Variants in CASP8 observed in about 807,000 individuals in gnomAD.
CASP8 encodes the protein caspase 8.
A neutral mutation model predicts 46.3 loss-of-function variants in CASP8; 24 were observed. The ratio of observed to expected loss-of-function variants is 0.52; its 90% CI spans 0.38 to 0.73. The LOEUF is 0.73. Among genes scored for constraint, CASP8 ranks in the 30% least tolerant of loss-of-function variants. The pLI is 0.00. For missense variants in CASP8, 460 were observed against 559.0 expected (o/e 0.82, Z 1.79); for synonymous variants, 188 against 200.4 (o/e 0.94, Z 0.52).
upstream of CASP8, chr2:201,258,171 C>G (rs1241459048): frequency 2.2e-5 from 35 of 1,581,772 alleles, no homozygotes; most frequent in Non-Finnish European, 3.0e-5. Flanking sequence ...CTCCTTTTAT[C>G]TTTTGTGTTT....
chr2:201,246,204 TG>T (rs1390552675), intron 2 of CASP8, among the ~76,000 whole-genome samples: 3 of 152,220 alleles, frequency 2.0e-5, no homozygotes, highest in Non-Finnish European at 4.4e-5. Flanking sequence ...GGTTCTGGAT[TG>T]CAGGCCTCTT....
upstream of CASP8, chr2:201,258,152 C>T: frequency 6.6e-7 from 1 of 1,513,832 alleles, no homozygotes; most frequent in Non-Finnish European, 9.2e-7. Flanking sequence ...AGTGTTTTCA[C>T]AGGTTCTCCT....
At chr2:201,279,790 T>C (rs917993013) in intron 7 of CASP8, among the ~76,000 whole-genome samples, 2 of 152,028 alleles carry the variant, frequency 1.3e-5, no homozygotes, top group Admixed American at 6.6e-5. Context: ...CCATCTCTAC[T>C]AAAAATACAA....
At chr2:201,258,762 GTCATTC>G, upstream of CASP8, among the ~76,000 whole-genome samples, 1 of 12,754 alleles carries the variant, frequency 7.8e-5, no homozygotes, top group African/African-American at 4.2e-4. Flanking sequence ...ACTTTATTCT[GTCATTC>G]TGTCGAATCA....
rs1251766981 is a variant in CASP8 at position 201,245,251 on chromosome 2, TG to T, written c.-27+11140del. On this transcript the variant is annotated intron_variant, in intron 2 of 6. Coordinates refer to the CASP8 transcript ENST00000264274. ...CACAAGGAGGTTTTTTATTTGTTTTTGTTTTTTTTTTTGAGACAGAGTCTCA... is the reference window on the plus strand; with the variant it reads ...CACAAGGAGGTTTTTTATTTGTTTTTTTTTTTTTTTTGAGACAGAGTCTCA... Among the ~76,000 whole-genome samples the T allele has an allele frequency of 4.6e-3, 692 of 151,956 alleles. 7 individuals are homozygous for T. Among genetic ancestry groups the T allele is most frequent in the African/African-American group, 0.016 (672 of 41,422 alleles).
At chr2:201,258,543 T>G (rs1947152760), upstream of CASP8, among the ~76,000 whole-genome samples, 1 of 152,130 alleles carries the variant, frequency 6.6e-6, no homozygotes, top group South Asian at 2.1e-4. Flanking sequence ...CCTGTGTGGT[T>G]TCTCTCTGAG....
chr2:201,284,715 G>GGGAGA, intron 7 of CASP8, 101 bp from the exon 8 acceptor site: 1 of 1,339,972 alleles, frequency 7.5e-7, no homozygotes, highest in Non-Finnish European at 1.0e-6. Flanking sequence ...AGAGGGAGAG[G>GGGAGA]GGTCAAATTC....
intron 8 of CASP8, 48 bp downstream of exon 8, chr2:201,285,365 C>G (rs769700812): frequency 8.7e-6 from 14 of 1,601,622 alleles, no homozygotes; most frequent in East Asian, 6.7e-5. Context: ...TACCTTCCCC[C>G]CCTACTCCAT....
At chr2:201,269,273 A>G (rs1258018214) in intron 2 of CASP8, among the ~76,000 whole-genome samples, 2 of 152,078 alleles carry the variant, frequency 1.3e-5, no homozygotes, top group Non-Finnish European at 2.9e-5. Flanking sequence ...TTTATCTGCA[A>G]ACGTCCTGGG....
At chr2:201,261,184 G>C (rs112369125) in intron 1 of CASP8, among the ~76,000 whole-genome samples, 1,526 of 152,252 alleles carry the variant, frequency 0.01, 25 homozygotes, top group African/African-American at 0.034. Context: ...CTGAGGTCGG[G>C]AGTTTGAGAC....
intron 2 of CASP8, among the ~76,000 whole-genome samples, chr2:201,240,084 G>C (rs551986565): frequency 6.6e-6 from 1 of 152,236 alleles, no homozygotes; most frequent in South Asian, 2.1e-4. Context: ...TGGGAGGTAA[G>C]GCCTAGATGT....
intron 1 of CASP8, among the ~76,000 whole-genome samples, chr2:201,264,807 G>A (rs1309002208): frequency 2.0e-5 from 3 of 151,930 alleles, no homozygotes; most frequent in East Asian, 1.9e-4. Flanking sequence ...CTCCAGCCTG[G>A]GTGACAGAGT....
intron 2 of CASP8, among the ~76,000 whole-genome samples, chr2:201,245,640 C>T (rs1946479156): frequency 6.6e-6 from 1 of 152,114 alleles, no homozygotes; most frequent in Non-Finnish European, 1.5e-5. Flanking sequence ...TATCATAGAC[C>T]CAGGGGACCA....
chr2:201,273,871 C>T (rs1055014132), intron 5 of CASP8, among the ~76,000 whole-genome samples: 6 of 151,848 alleles, frequency 4.0e-5, no homozygotes, highest in African/African-American at 1.5e-4. Context: ...GATGGGGTTT[C>T]GCTATGTTGC....
chr2:201,281,553 A>G (rs1446746489), intron 7 of CASP8, among the ~76,000 whole-genome samples: 2 of 150,476 alleles, frequency 1.3e-5, no homozygotes, highest in Admixed American at 1.4e-4. Flanking sequence ...GGGGAGGGAT[A>G]GAGAGGGGAT....
upstream of CASP8, chr2:201,258,448 C>T (rs1256328678): frequency 1.3e-6 from 2 of 1,584,882 alleles, no homozygotes; most frequent in Non-Finnish European, 1.7e-6. Flanking sequence ...TCTTGACTTG[C>T]TCTAGAAACA....
chr2:201,284,790 G>A (rs371052767), intron 7 of CASP8, 26 bp from the exon 8 acceptor site: 39 of 1,602,442 alleles, frequency 2.4e-5, no homozygotes, highest in Non-Finnish European at 2.7e-5. Context: ...GTGGTATAAC[G>A]TGACTGTTCA....
Position 201,237,085 on chromosome 2 carries a change from A to ATTT in CASP8, c.-27+2994_-27+2996dup, listed in dbSNP as rs34775964. ...CTTTTCCCCAGTATGACCCCTTTCT[A>ATTT]TTTTTTTTTTTTTTTTTTTTTTTGA... is the stretch of plus-strand genomic sequence containing the variant. On this transcript the variant is annotated intron_variant, in intron 2 of 6. Coordinates refer to the CASP8 transcript ENST00000264274. Among the ~76,000 whole-genome samples, 428 of 88,074 alleles carry ATTT rather than the reference A, an allele frequency of 4.9e-3. 14 individuals are homozygous for ATTT. Among genetic ancestry groups the ATTT allele is most frequent in the African/African-American group, 0.015 (314 of 21,576 alleles). 57.8% of individuals were successfully genotyped at this position (88,074 alleles called of 152,430 possible).
At position 201,274,959 on chromosome 2, in the gene CASP8, C is replaced by T. The variant is rs370400442; in HGVS notation, c.660+6C>T. 73 of 1,597,626 alleles carry T rather than the reference C, an allele frequency of 4.6e-5. No individual in the cohort carries two copies. Among genetic ancestry groups the T allele is most frequent in the Non-Finnish European group, 5.4e-5 (63 of 1,166,070 alleles). ...AACAGGATAGTGAATCACAGGTAGA[C>T]GGAAACCTCCAAATCCTTTTTTTTA... is the stretch of plus-strand genomic sequence containing the variant. On this transcript the variant is annotated splice_donor_region_variant and intron_variant, in intron 6 of 8. Coordinates refer to ENST00000673742, the MANE Select transcript of CASP8 (RefSeq NM_001372051.1).
Sources: gnomAD v4.1 joint callset for allele counts (sites outside exome capture counted in the v4.1 genomes callset) on GRCh38, gnomAD v4.1.1 for gene constraint, MANE v1.5 for transcripts, NCBI Gene and HGNC (gene_info 2026-07-23, HGNC 2026-07-21) for gene names.